TLK1: variants seen among roughly 807,000 people sequenced by gnomAD.
The protein encoded by TLK1 is serine/threonine-protein kinase tousled-like 1.
Under a neutral mutation model 105.3 loss-of-function variants are expected in TLK1, and 24 were observed. The ratio of observed to expected loss-of-function variants is 0.23; its 90% CI spans 0.17 to 0.32. TLK1 has a LOEUF of 0.32. TLK1 is among the 10% of genes least tolerant of loss of function. The probability of loss-of-function intolerance (pLI) is 1.00; values close to 1 mark genes in which losing one functional copy is unlikely to be tolerated. For missense variants in TLK1, 558 were observed against 910.5 expected, an observed-to-expected ratio of 0.61 and a Z score of 4.98; for synonymous variants, 321 against 310.4, an observed-to-expected ratio of 1.03 and a Z score of -0.36.
intron 1 of TLK1, among the ~76,000 whole-genome samples, chr2:171,187,238 C>G (rs1693049146): frequency 6.6e-6 from 1 of 151,960 alleles, no homozygotes; most frequent in Non-Finnish European, 1.5e-5. Flanking sequence ...CTAGGAGTCT[C>G]CCTTGCATTT....
At position 170,993,683 on chromosome 2, in the gene TLK1, A is replaced by AAG. The variant is rs546907050; in HGVS notation, c.*96_*97insCT. ...ACGTCTTGTGTAAAAAAAAAAAAAA[A>AAG]AAAAAAAGAAAAAGAAAACAAACAC... On this transcript the variant is annotated 3_prime_UTR_variant, in exon 21 of 21. Coordinates refer to ENST00000431350, the MANE Select transcript of TLK1 (RefSeq NM_012290.5). The AAG allele has an allele frequency of 1.3e-3, 1,288 of 974,952 alleles. 5 individuals carry two copies. Among genetic ancestry groups the AAG allele is most frequent in the African/African-American group, 0.013 (749 of 59,468 alleles). The allele number at this position is 974,952 out of a possible 1,614,324, so 60.4% of individuals were successfully genotyped here.
Position 170,991,534 on chromosome 2 carries a change from T to A in TLK1, c.*2246A>T, listed in dbSNP as rs1683783881. On this transcript the variant is annotated 3_prime_UTR_variant, in exon 21 of 21. Coordinates refer to ENST00000431350, the MANE Select transcript of TLK1 (RefSeq NM_012290.5). Reference sequence around the variant, plus strand: ...ATTCATCTCCTACACATCTTTGATTTTAAAATGATGACCTAAACCCAGGTC... The same window carrying A: ...ATTCATCTCCTACACATCTTTGATTATAAAATGATGACCTAAACCCAGGTC... 6.6e-6 allele frequency: 1 copy of A among 152,186 alleles called. No individual in the cohort carries two copies. 9.4% of individuals were successfully genotyped at this position (152,186 alleles called of 1,614,324 possible).
intron 11 of TLK1, among the ~76,000 whole-genome samples, chr2:171,041,480 G>C (rs1333040736): frequency 6.6e-6 from 1 of 152,204 alleles, no homozygotes; most frequent in African/African-American, 2.4e-5. Flanking sequence ...TGCACAACAG[G>C]TGGTGAGCAG....
chr2:171,106,979 A>T (rs939160092), intron 2 of TLK1, among the ~76,000 whole-genome samples: 2 of 152,222 alleles, frequency 1.3e-5, no homozygotes, highest in African/African-American at 4.8e-5. Context: ...GCAAATCAGG[A>T]TTCAGATTCA....
At chr2:171,060,151 C>T (rs1240199681) in intron 4 of TLK1, among the ~76,000 whole-genome samples, 1 of 152,146 alleles carries the variant, frequency 6.6e-6, no homozygotes, top group African/African-American at 2.4e-5. Flanking sequence ...GATAATCAGA[C>T]AAATCTGTAG....
intron 1 of TLK1, among the ~76,000 whole-genome samples, chr2:171,213,537 G>C (rs904717575): frequency 6.6e-6 from 1 of 151,258 alleles, no homozygotes; most frequent in Non-Finnish European, 1.5e-5. Flanking sequence ...ATTTATTTTA[G>C]TTTGGGCCCG....
intron 2 of TLK1, chr2:171,091,499 C>G (rs2105490215): frequency 6.6e-6 from 1 of 152,258 alleles, no homozygotes; most frequent in South Asian, 2.1e-4. Context: ...AACATAGTTT[C>G]TTTTTAGAAA....
chr2:171,203,185 G>A (rs1229184699), intron 1 of TLK1, among the ~76,000 whole-genome samples: 1 of 151,576 alleles, frequency 6.6e-6, no homozygotes, highest in African/African-American at 2.4e-5. Flanking sequence ...TTTAATTGTG[G>A]TTTAAAAAAT....
At chr2:171,055,216 A>C in intron 6 of TLK1, 44 bp from the exon 7 acceptor site, 1 of 1,185,162 alleles carries the variant, frequency 8.4e-7, no homozygotes, top group South Asian at 1.7e-5. Flanking sequence ...AAAAAAAAAA[A>C]AAAAACACAA....
chr2:171,145,223 G>A (rs189646580), intron 1 of TLK1, among the ~76,000 whole-genome samples: 247 of 151,778 alleles, frequency 1.6e-3, no homozygotes, highest in African/African-American at 5.8e-3. Context: ...CAGGAGAATC[G>A]TTTGAATCCA....
At chr2:171,188,955 C>A (rs1693091445) in intron 1 of TLK1, among the ~76,000 whole-genome samples, 1 of 150,958 alleles carries the variant, frequency 6.6e-6, no homozygotes, top group Non-Finnish European at 1.5e-5. Context: ...AAAGACATTA[C>A]AACAGACTCA....
intron 1 of TLK1, among the ~76,000 whole-genome samples, chr2:171,187,144 T>G (rs1272280797): frequency 1.3e-5 from 2 of 152,022 alleles, no homozygotes; most frequent in Non-Finnish European, 2.9e-5. Context: ...CTTTTTATTT[T>G]TTTTGGTTGG....
At chr2:171,219,850 C>G (rs1339786389) in intron 1 of TLK1, among the ~76,000 whole-genome samples, 1 of 152,206 alleles carries the variant, frequency 6.6e-6, no homozygotes, top group African/African-American at 2.4e-5. Context: ...ATCTGCCCAC[C>G]TCGGCTTCCC....
intron 1 of TLK1, among the ~76,000 whole-genome samples, chr2:171,217,304 T>C (rs1488402069): frequency 6.6e-6 from 1 of 152,090 alleles, no homozygotes; most frequent in Non-Finnish European, 1.5e-5. Flanking sequence ...AAATCAAGAG[T>C]AGACAGTAGA....
chr2:171,014,016 T>G (rs563648494), intron 13 of TLK1, among the ~76,000 whole-genome samples: 1 of 152,374 alleles, frequency 6.6e-6, no homozygotes, highest in Admixed American at 6.5e-5. Context: ...GACAACTGAT[T>G]AAGAACACAG....
intron 1 of TLK1, among the ~76,000 whole-genome samples, chr2:171,152,445 T>G (rs940561876): frequency 6.6e-6 from 1 of 152,216 alleles, no homozygotes; most frequent in Non-Finnish European, 1.5e-5. Context: ...GACTGATAAA[T>G]TCCTATCAAT....
chr2:171,192,408 G>A (rs754456428), intron 1 of TLK1, among the ~76,000 whole-genome samples: 2 of 152,044 alleles, frequency 1.3e-5, no homozygotes, highest in East Asian at 1.9e-4. Flanking sequence ...AGCCAGGCGC[G>A]GTGGCTCACG....
upstream of TLK1, among the ~76,000 whole-genome samples, chr2:171,165,160 C>A (rs1692584030): frequency 6.6e-6 from 1 of 152,198 alleles, no homozygotes; most frequent in Non-Finnish European, 1.5e-5. Context: ...GGAAAGCCAG[C>A]TTGAGAACAC....
At chr2:170,998,284 C>T (rs1360937508) in intron 18 of TLK1, among the ~76,000 whole-genome samples, 3 of 152,194 alleles carry the variant, frequency 2.0e-5, no homozygotes, top group Non-Finnish European at 2.9e-5. Context: ...CAAACAACTT[C>T]GACAGCACTT....
Sources: gnomAD v4.1 joint callset for allele counts (sites outside exome capture counted in the v4.1 genomes callset) on GRCh38, gnomAD v4.1.1 for gene constraint, MANE v1.5 for transcripts, NCBI Gene and HGNC (gene_info 2026-07-23, HGNC 2026-07-21) for gene names.